FBXL20: variants seen among roughly 807,000 people sequenced by gnomAD.
FBXL20 encodes the protein F-box and leucine rich repeat protein 20, also known as F-box/LRR-repeat protein 20.
A neutral mutation model predicts 64.0 loss-of-function variants in FBXL20; 11 were observed. That is an observed-to-expected ratio of 0.17 (90% CI 0.11 to 0.28). The LOEUF (loss-of-function observed/expected upper bound fraction) is 0.28. FBXL20 is among the 10% of genes least tolerant of loss of function. FBXL20 has a pLI of 1.00. For synonymous variants in FBXL20, 184 were observed against 189.0 expected, an observed-to-expected ratio of 0.97 and a Z score of 0.22; for missense variants, 303 against 526.2, an observed-to-expected ratio of 0.58 and a Z score of 4.15.
At chr17:39,277,519 G>A (rs1299667658) in intron 9 of FBXL20, among the ~76,000 whole-genome samples, 1 of 152,070 alleles carries the variant, frequency 6.6e-6, no homozygotes, top group African/African-American at 2.4e-5. Context: ...CACTTTAGAA[G>A]GCTGAGGTGG....
At chr17:39,372,039 G>T (rs1166480564) in intron 1 of FBXL20, among the ~76,000 whole-genome samples, 1 of 152,078 alleles carries the variant, frequency 6.6e-6, no homozygotes, top group African/African-American at 2.4e-5. Flanking sequence ...CCTGCCTCTT[G>T]CCAGTAGTCT....
At position 39,277,172 on chromosome 17, in the gene FBXL20, A is replaced by T. The variant is rs548942342; in HGVS notation, c.697-2072T>A. On this transcript the variant is annotated intron_variant, in intron 9 of 14. Coordinates refer to ENST00000264658, the MANE Select transcript of FBXL20 (RefSeq NM_032875.3). Reference sequence around the variant, plus strand: ...CATGTAGCTGACACAAATATAGATTAAAAAAATTGGATGCTAAGGCAGATA... The same window carrying T: ...CATGTAGCTGACACAAATATAGATTTAAAAAATTGGATGCTAAGGCAGATA... Among the ~76,000 whole-genome samples the T allele has an allele frequency of 1.1e-4, 16 of 152,212 alleles. No individual in the cohort carries two copies. In the East Asian group the frequency reaches 2.9e-3, roughly 28 times the overall value.
chr17:39,363,126 C>T (rs556081387), intron 1 of FBXL20, among the ~76,000 whole-genome samples: 2 of 151,676 alleles, frequency 1.3e-5, no homozygotes, highest in East Asian at 2.0e-4. Flanking sequence ...CTCACCCTCC[C>T]GAGCTACTAG....
chr17:39,302,989 G>GC (rs375524670), intron 3 of FBXL20, among the ~76,000 whole-genome samples: 1 of 151,458 alleles, frequency 6.6e-6, no homozygotes, highest in East Asian at 1.9e-4. Flanking sequence ...TCGGCTCACT[G>GC]CAAGCTCCGA....
chr17:39,381,552 A>G (rs2144655716), intron 1 of FBXL20, among the ~76,000 whole-genome samples: 1 of 150,224 alleles, frequency 6.7e-6, no homozygotes, highest in Non-Finnish European at 1.5e-5. Context: ...ACATTGTGGG[A>G]GGCCGAAGCA....
chr17:39,400,451 G>C (rs1223472755), intron 1 of FBXL20, among the ~76,000 whole-genome samples: 1 of 152,108 alleles, frequency 6.6e-6, no homozygotes, highest in Non-Finnish European at 1.5e-5. Context: ...GTGATCCCAG[G>C]TCAGCCTGGT....
At position 39,253,704 on chromosome 17, in the gene FBXL20, C is replaced by G. The variant is rs1206900352; in HGVS notation, c.*7756G>C. 1 of 152,190 alleles carries G rather than the reference C, an allele frequency of 6.6e-6. No individual in the cohort carries two copies. The highest frequency in any genetic ancestry group is 1.5e-5 in the Non-Finnish European group (1 of 68,014). 9.4% of individuals were successfully genotyped at this position (152,190 alleles called of 1,614,324 possible). A position where few individuals can be genotyped will look rare whatever the true frequency, so the allele number is the denominator to read the frequency against. On this transcript the variant is annotated 3_prime_UTR_variant, in exon 15 of 15. Transcript: ENST00000264658. ...CCCTTCCTGCACTATTAGAAATTAA[C>G]AGTCATCAGAGAAGCACAGATAAAT...
At chr17:39,301,124 G>T (rs1436206526) in intron 3 of FBXL20, 49 bp from the exon 4 acceptor site, 2 of 1,545,684 alleles carry the variant, frequency 1.3e-6, no homozygotes, top group Admixed American at 1.7e-5. Context: ...AAATTAAGGG[G>T]AAAAGGCAGC....
chr17:39,285,686 T>A, intron 6 of FBXL20, 113 bp from the exon 7 acceptor site: 1 of 484,890 alleles, frequency 2.1e-6, no homozygotes, highest in East Asian at 3.7e-5. Context: ...CTGTAAAATT[T>A]TCATACCCCT....
intron 1 of FBXL20, among the ~76,000 whole-genome samples, chr17:39,385,375 A>G (rs2048068600): frequency 6.6e-6 from 1 of 152,158 alleles, no homozygotes; most frequent in African/African-American, 2.4e-5. Flanking sequence ...AGGTGGGGAG[A>G]AGAAAGACTT....
At chr17:39,345,979 A>G (rs1315562461) in intron 1 of FBXL20, among the ~76,000 whole-genome samples, 2 of 152,048 alleles carry the variant, frequency 1.3e-5, no homozygotes, top group Non-Finnish European at 2.9e-5. Context: ...CAATAAATCT[A>G]CCTCTGGGCA....
intron 8 of FBXL20, 53 bp from the exon 9 acceptor site, chr17:39,281,516 A>G (rs2046950513): frequency 2.2e-5 from 32 of 1,473,622 alleles, no homozygotes; most frequent in Non-Finnish European, 2.8e-5. Context: ...GTCTCAAAGG[A>G]AAGAGATTTA....
chr17:39,358,092 G>A (rs1395413821), intron 1 of FBXL20, among the ~76,000 whole-genome samples: 4 of 152,172 alleles, frequency 2.6e-5, no homozygotes, highest in Non-Finnish European at 5.9e-5. Context: ...CTAAGAACCA[G>A]AAGTGGAGGT....
chr17:39,313,303 G>A (rs966127279), intron 2 of FBXL20, among the ~76,000 whole-genome samples: 42 of 151,408 alleles, frequency 2.8e-4, no homozygotes, highest in African/African-American at 1.0e-3. Flanking sequence ...GCGCAATCTC[G>A]GATCACTGCA....
intron 1 of FBXL20, among the ~76,000 whole-genome samples, chr17:39,359,724 C>T (rs905963668): frequency 6.6e-6 from 1 of 151,916 alleles, no homozygotes; most frequent in African/African-American, 2.4e-5. Flanking sequence ...CTACAGAAAA[C>T]GGTATGGCAG....
intron 2 of FBXL20, among the ~76,000 whole-genome samples, chr17:39,308,778 G>T (rs904644305): frequency 1.7e-4 from 26 of 151,704 alleles, no homozygotes; most frequent in Non-Finnish European, 3.7e-4. Flanking sequence ...TGTTAATCAG[G>T]ATGGTCTCAA....
chr17:39,281,195 A>G (rs1436599593), intron 9 of FBXL20, among the ~76,000 whole-genome samples, 194 bp downstream of exon 9: 1 of 152,140 alleles, frequency 6.6e-6, no homozygotes, highest in Non-Finnish European at 1.5e-5. Flanking sequence ...GCTACCTCCT[A>G]TCTTATCTAT....
At position 39,362,070 on chromosome 17, in the gene FBXL20, G is replaced by A. The variant is rs143199116; in HGVS notation, c.43-18829C>T. Among the ~76,000 whole-genome samples the A allele has an allele frequency of 4.2e-4, 63 of 148,846 alleles. 3 individuals carry two copies. In the East Asian group the frequency reaches 0.012, roughly 28 times the overall value. On this transcript the variant is annotated intron_variant, in intron 1 of 14. Transcript: ENST00000264658. Reference sequence around the variant, plus strand: ...TGGGAGGCCAAGGCGGGCAGATCACGAGGTCAGGAGATCGAGACCATCCTG... The same window carrying A: ...TGGGAGGCCAAGGCGGGCAGATCACAAGGTCAGGAGATCGAGACCATCCTG...
chr17:39,290,927 CAA>C (rs2047032058), intron 6 of FBXL20, among the ~76,000 whole-genome samples: 1 of 151,580 alleles, frequency 6.6e-6, no homozygotes, highest in Non-Finnish European at 1.5e-5. Context: ...TTATTTTGAA[CAA>C]TCAACTTTTA....
Sources: allele counts gnomAD v4.1 joint callset (sites outside exome capture counted in the v4.1 genomes callset), GRCh38; gene constraint gnomAD v4.1.1; transcripts MANE v1.5; gene names NCBI Gene and HGNC (gene_info 2026-07-23, HGNC 2026-07-21).